Variants in PITPNM2 observed in about 807,000 individuals in gnomAD.
PITPNM2 encodes membrane-associated phosphatidylinositol transfer protein 2.
In PITPNM2, 35 loss-of-function variants were observed where a neutral mutation model predicts 132.2. The ratio of observed to expected loss-of-function variants is 0.26; its 90% CI spans 0.20 to 0.35. The LOEUF is 0.35. Among genes scored for constraint, PITPNM2 ranks in the 10% least tolerant of loss-of-function variants. The pLI is 1.00. For missense variants in PITPNM2, 1,332 were observed against 1,912.0 expected (o/e 0.70, Z 5.66); for synonymous variants, 738 against 799.2 (o/e 0.92, Z 1.29).
intron 3 of PITPNM2, among the ~76,000 whole-genome samples, chr12:123,034,008 C>T (rs1308121394): frequency 6.6e-6 from 1 of 152,136 alleles, no homozygotes; most frequent in African/African-American, 2.4e-5. Flanking sequence ...GAGAAGACAC[C>T]AGAGCCTGCT....
chr12:123,046,865 G>T (rs926935560), intron 2 of PITPNM2, among the ~76,000 whole-genome samples: 1 of 152,118 alleles, frequency 6.6e-6, no homozygotes, highest in African/African-American at 2.4e-5. Flanking sequence ...ATGGTACCTT[G>T]CCCCTATTAC....
Position 123,110,863 on chromosome 12 carries a change from C to T in PITPNM2, c.-199-375G>A, listed in dbSNP as rs552832466. ...CCACTGGGATTGGAGGACTTCAGAC[C>T]GCAGAGAGGAGGCTGGAAAATGAGG... On this transcript the variant is annotated intron_variant, in intron 1 of 25. Coordinates refer to ENST00000320201, the MANE Select transcript of PITPNM2 (RefSeq NM_020845.3). Among the ~76,000 whole-genome samples, 57 of 152,234 alleles carry T rather than the reference C, an allele frequency of 3.7e-4. 1 individual carries two copies. In the South Asian group the frequency reaches 0.011, roughly 30 times the overall value.
chr12:122,991,980 A>C, intron 16 of PITPNM2: 223 of 1,230,690 alleles, frequency 1.8e-4, no homozygotes, highest in South Asian at 3.5e-4. Flanking sequence ...ACAGAGACTC[A>C]GGGCTCCTCG....
rs2042517812 is a variant in PITPNM2, at chr12:123,099,971, G to C, written c.-96+10414C>G. 6.6e-6 allele frequency among the ~76,000 whole-genome samples: 1 copy of C among 152,282 alleles called. No individual in the cohort carries two copies. Among genetic ancestry groups the C allele is most frequent in the East Asian group, 1.9e-4 (1 of 5,180 alleles). On this transcript the variant is annotated intron_variant, in intron 2 of 25. Coordinates refer to ENST00000320201, the MANE Select transcript of PITPNM2 (RefSeq NM_020845.3). The surrounding 1 kb of genome is among the most constrained non-coding windows in gnomAD (Gnocchi z 4.2). ...CCAGGTGTGCAGGCATCCATGCCCG[G>C]GGGAAGTAAGAATTGCAGGTGACAC... is the stretch of plus-strand genomic sequence containing the variant.
intron 2 of PITPNM2, among the ~76,000 whole-genome samples, chr12:123,046,307 CTCT>C (rs1566265448): frequency 6.6e-6 from 1 of 152,190 alleles, no homozygotes; most frequent in Admixed American, 6.5e-5. Context: ...GGCAACCAGA[CTCT>C]TCTTCTTGCT....
chr12:123,060,424 A>G (rs2041196233), intron 2 of PITPNM2, among the ~76,000 whole-genome samples: 1 of 152,116 alleles, frequency 6.6e-6, no homozygotes, highest in South Asian at 2.1e-4. Context: ...ACCTAACTCA[A>G]GAGCCACCTT....
chr12:122,985,876 G>A lies in PITPNM2; in HGVS notation c.*151C>T. On this transcript the variant is annotated 3_prime_UTR_variant, in exon 26 of 26. Transcript: ENST00000320201. ...GGCCCGAGGACGTGAGGCAGGGCAG[G>A]GAGCACTGTGTGGTGCGGCCCGTGT... 1.4e-6 allele frequency: 1 copy of A among 707,408 alleles called. No individual in the cohort carries two copies. Among genetic ancestry groups the A allele is most frequent in the Non-Finnish European group, 2.1e-6 (1 of 486,620 alleles). 43.8% of individuals were successfully genotyped at this position (707,408 alleles called of 1,614,324 possible). A position where few individuals can be genotyped will look rare whatever the true frequency, so the allele number is the denominator to read the frequency against.
Position 123,000,884 on chromosome 12 carries a change from G to A in PITPNM2, c.1154-36C>T. On this transcript the variant is annotated intron_variant, in intron 9 of 25. Coordinates refer to ENST00000320201, the MANE Select transcript of PITPNM2 (RefSeq NM_020845.3). This position sits in a 1 kb window ranked among gnomAD's most constrained non-coding sequence, Gnocchi z 5.4. The stretch of plus-strand genomic sequence containing the variant: ...ACAGAAGCCGTGCTGTGAGCTGAGG[G>A]GCAGCCCAACCTGGCCGACCGGACA... The A allele has an allele frequency of 6.2e-7, 1 of 1,612,912 alleles. No homozygotes were observed. The highest frequency in any genetic ancestry group is 8.5e-7 in the Non-Finnish European group (1 of 1,179,168).
chr12:123,033,906 A>G (rs1343192851), intron 3 of PITPNM2, among the ~76,000 whole-genome samples: 1 of 152,240 alleles, frequency 6.6e-6, no homozygotes, highest in Non-Finnish European at 1.5e-5. Context: ...TAGATACCCT[A>G]CAAGCACCAT....
intron 2 of PITPNM2, among the ~76,000 whole-genome samples, chr12:123,073,816 C>T (rs2041691289): frequency 6.6e-6 from 1 of 152,176 alleles, no homozygotes; most frequent in Non-Finnish European, 1.5e-5. Context: ...ATGCAGGGGG[C>T]TCTCCTCCAG....
intron 1 of PITPNM2, among the ~76,000 whole-genome samples, chr12:123,135,833 C>A (rs1022652080): frequency 1.3e-5 from 2 of 152,200 alleles, no homozygotes; most frequent in African/African-American, 4.8e-5. Flanking sequence ...GTAGCTGCAA[C>A]TGCAAGCCCG....
Position 122,995,014 on chromosome 12 carries a change from G to A in PITPNM2, c.2055-35C>T, listed in dbSNP as rs745466338. 4 of 1,541,978 alleles carry A rather than the reference G, an allele frequency of 2.6e-6. No individual in the cohort carries two copies. In the South Asian group the frequency reaches 4.8e-5, roughly 18 times the overall value. On this transcript the variant is annotated intron_variant, in intron 14 of 25. Transcript: ENST00000320201. ...CAAATAAGACTTAGCTGTCATGTGG[G>A]TGCAGCTGCCATCATCTGCCACGAC...
chr12:123,040,052 C>T (rs1234906993), intron 2 of PITPNM2, among the ~76,000 whole-genome samples: 1 of 152,100 alleles, frequency 6.6e-6, no homozygotes, highest in African/African-American at 2.4e-5. Context: ...ATCCCTTGAG[C>T]CCGGGAGGTG....
At position 123,150,199 on chromosome 12, in the gene PITPNM2, A is replaced by C. The variant is rs542677773; in HGVS notation, c.-200+554T>G. Among the ~76,000 whole-genome samples, 5 of 152,120 alleles carry C rather than the reference A, an allele frequency of 3.3e-5. No homozygotes were observed. In the South Asian group the frequency reaches 8.3e-4, roughly 25 times the overall value. On this transcript the variant is annotated intron_variant, in intron 1 of 25. Coordinates refer to ENST00000320201, the MANE Select transcript of PITPNM2 (RefSeq NM_020845.3). This position sits in a 1 kb window ranked among gnomAD's most constrained non-coding sequence, Gnocchi z 6.0. ...CGGATAAGAAAGGATTCGGGGTGGG[A>C]AGAAGACAGAGCCGGCACCCCATTA...
intron 2 of PITPNM2, among the ~76,000 whole-genome samples, chr12:123,035,790 C>T (rs2040249503): frequency 6.6e-6 from 1 of 152,112 alleles, no homozygotes; most frequent in Non-Finnish European, 1.5e-5. Flanking sequence ...CATTTGGTCA[C>T]CTCCAAAGGT....
intron 1 of PITPNM2, among the ~76,000 whole-genome samples, chr12:123,143,295 C>T (rs1306872064): frequency 1.3e-5 from 2 of 152,108 alleles, no homozygotes; most frequent in Non-Finnish European, 2.9e-5. Context: ...GATTCTAATC[C>T]CAGGAGGACA....
chr12:123,074,443 C>T (rs1005263266), intron 2 of PITPNM2, among the ~76,000 whole-genome samples: 2 of 151,976 alleles, frequency 1.3e-5, no homozygotes, highest in Non-Finnish European at 1.5e-5. Context: ...CATATACATG[C>T]CACACACATG....
chr12:122,993,797 TC>T lies in PITPNM2; in HGVS notation c.2233+1003del, dbSNP rs1472588783. The stretch of plus-strand genomic sequence containing the variant: ...GGGTCCCCTTAAAGCTACCCATTTC[TC>T]TTCCTGGCAGTGCTGAAGTCGCCAG... On this transcript the variant is annotated intron_variant, in intron 15 of 25. Transcript: ENST00000320201. The surrounding 1 kb of genome is among the most constrained non-coding windows in gnomAD (Gnocchi z 5.2). Among the ~76,000 whole-genome samples, 2 of 152,204 alleles carry T rather than the reference TC, an allele frequency of 1.3e-5. No individual in the cohort carries two copies. Among genetic ancestry groups the T allele is most frequent in the Non-Finnish European group, 2.9e-5 (2 of 68,024 alleles).
In PITPNM2 at chr12:123,106,647, G is replaced by A. The variant is rs2042719769; in HGVS notation, c.-96+3738C>T. ...GGGAGCAGTCAGGAGGGGCACAGGT[G>A]ACAGAACTGGCCAGGGCATGACATG... On this transcript the variant is annotated intron_variant, in intron 2 of 25. Transcript: ENST00000320201. The surrounding 1 kb of genome is among the most constrained non-coding windows in gnomAD (Gnocchi z 4.4). Among the ~76,000 whole-genome samples the A allele has an allele frequency of 6.6e-6, 1 of 152,214 alleles. No homozygotes were observed. Among genetic ancestry groups the A allele is most frequent in the Admixed American group, 6.5e-5 (1 of 15,282 alleles).
Sources: allele counts gnomAD v4.1 joint callset (sites outside exome capture counted in the v4.1 genomes callset), GRCh38; gene constraint gnomAD v4.1.1; non-coding constraint Gnocchi (gnomAD v3.1); transcripts MANE v1.5; gene names NCBI Gene and HGNC (gene_info 2026-07-23, HGNC 2026-07-21).